The following CFAP52 variants were observed in gnomAD, a reference collection of about 807,000 sequenced individuals.
CFAP52 encodes the protein cilia- and flagella-associated protein 52.
Under a neutral mutation model 70.5 loss-of-function variants are expected in CFAP52, and 57 were observed. The observed-to-expected ratio is 0.81, with a 90% CI of 0.65 to 1.01. CFAP52 has a LOEUF of 1.01. CFAP52 is among the 50% of genes least tolerant of loss of function. CFAP52 has a pLI of 0.00. For synonymous variants in CFAP52, 267 were observed against 292.5 expected (o/e 0.91, Z 0.89); for missense variants, 785 against 788.5 (o/e 1.00, Z 0.05).
intron 12 of CFAP52, among the ~76,000 whole-genome samples, chr17:9,641,070 A>G (rs1911034226): frequency 1.3e-5 from 2 of 152,208 alleles, no homozygotes; most frequent in Non-Finnish European, 2.9e-5. Context: ...TAGATTGTGC[A>G]TTCACAAAGT....
chr17:9,598,338 G>A lies in CFAP52; in HGVS notation c.636+5G>A. On this transcript the variant is annotated splice_donor_5th_base_variant and intron_variant, in intron 5 of 13. Transcript: ENST00000352665. ...AGAATAGTCATGAGTATTGGAGTAA[G>A]TATTAATTTAAGTATTAAGTAACAA... is the stretch of plus-strand genomic sequence containing the variant. 1.2e-6 allele frequency: 2 copies of A among 1,605,804 alleles called. No individual in the cohort carries two copies. Among genetic ancestry groups the A allele is most frequent in the Non-Finnish European group, 8.5e-7 (1 of 1,176,112 alleles).
chr17:9,631,264 T>C (rs982580558), intron 9 of CFAP52, among the ~76,000 whole-genome samples: 12 of 151,972 alleles, frequency 7.9e-5, no homozygotes, highest in Non-Finnish European at 1.8e-4. Context: ...TCACCCCTTC[T>C]AGCCATACTT....
intron 6 of CFAP52, among the ~76,000 whole-genome samples, chr17:9,603,717 G>A (rs370814544): frequency 3.9e-5 from 6 of 152,180 alleles, no homozygotes; most frequent in East Asian, 1.9e-4. Context: ...TGTAGATGAC[G>A]GGTAATATAG....
chr17:9,584,406 A>G (rs1436529693), intron 1 of CFAP52: 5 of 1,264,140 alleles, frequency 4.0e-6, no homozygotes, highest in Non-Finnish European at 5.1e-6. Flanking sequence ...AAGTTAAAAA[A>G]ATTATTTTCC....
chr17:9,591,514 A>G, intron 3 of CFAP52, among the ~76,000 whole-genome samples: 1 of 152,182 alleles, frequency 6.6e-6, no homozygotes, highest in East Asian at 1.9e-4. Flanking sequence ...ATTCCATTGT[A>G]CAGATGTGCT....
intron 3 of CFAP52, among the ~76,000 whole-genome samples, chr17:9,588,044 T>G (rs1008597404): frequency 1.3e-5 from 2 of 152,206 alleles, no homozygotes; most frequent in Non-Finnish European, 2.9e-5. Context: ...AGCTTCCCAG[T>G]ACTGTGTTGA....
chr17:9,589,299 A>G (rs534828452), intron 3 of CFAP52, among the ~76,000 whole-genome samples: 1 of 152,326 alleles, frequency 6.6e-6, no homozygotes, highest in East Asian at 1.9e-4. Context: ...GGAAATTTAT[A>G]TTTGTGTATA....
In CFAP52 at chr17:9,643,260, A is replaced by G. The variant is rs1287075029; in HGVS notation, c.*62A>G. On this transcript the variant is annotated 3_prime_UTR_variant, in exon 14 of 14. Coordinates refer to ENST00000352665, the MANE Select transcript of CFAP52 (RefSeq NM_145054.5). ...CAGTCCTGTTGAAGACTGAGTTTAG[A>G]TAACTCCAACACTAGTCTTCATTTC... The G allele has an allele frequency of 1.5e-5, 21 of 1,391,676 alleles. No individual in the cohort carries two copies. The highest frequency in any genetic ancestry group is 3.9e-5 in the South Asian group (2 of 50,838). 86.2% of individuals were successfully genotyped at this position (1,391,676 alleles called of 1,614,324 possible).
In CFAP52 at chr17:9,633,040, A is replaced by G; in HGVS notation, c.1320+7A>G. 6.2e-7 allele frequency: 1 copy of G among 1,612,682 alleles called. No individual in the cohort carries two copies. Among genetic ancestry groups the G allele is most frequent in the South Asian group, 1.1e-5 (1 of 90,894 alleles). On this transcript the variant is annotated splice_region_variant and intron_variant, in intron 10 of 13. Transcript: ENST00000352665. Reference sequence around the variant, plus strand: ...TGGCGGTGGGGAAGGGGAGGTATTGAAAGCAGAAATTTGAAAAAATAACGC... The same window carrying G: ...TGGCGGTGGGGAAGGGGAGGTATTGGAAGCAGAAATTTGAAAAAATAACGC...
chr17:9,590,234 A>G, intron 3 of CFAP52: 1 of 184,524 alleles, frequency 5.4e-6, no homozygotes, highest in African/African-American at 2.4e-5. Flanking sequence ...AAAGGGCTAC[A>G]CCCTTTGGCT....
chr17:9,596,057 G>GTATGTA (rs1322554543), intron 4 of CFAP52, among the ~76,000 whole-genome samples: 45 of 103,582 alleles, frequency 4.3e-4, no homozygotes, highest in African/African-American at 1.8e-3. Context: ...ATATATGTGT[G>GTATGTA]TGTATATATA....
At chr17:9,576,924 C>T (rs906350639) in intron 1 of CFAP52, among the ~76,000 whole-genome samples, 159 bp downstream of exon 1, 2 of 152,230 alleles carry the variant, frequency 1.3e-5, no homozygotes, top group Non-Finnish European at 2.9e-5. Flanking sequence ...CACAGCCTGA[C>T]CTGCCCCAAG....
intron 1 of CFAP52, among the ~76,000 whole-genome samples, chr17:9,578,863 A>C (rs563588454): frequency 6.6e-6 from 1 of 152,130 alleles, no homozygotes; most frequent in African/African-American, 2.4e-5. Context: ...GGAGGGGTGC[A>C]TGGCCTTAGG....
intron 5 of CFAP52, among the ~76,000 whole-genome samples, chr17:9,598,742 C>T (rs2151935602): frequency 7.0e-6 from 1 of 143,794 alleles, no homozygotes; most frequent in East Asian, 2.0e-4. Flanking sequence ...GCCTGGACAA[C>T]AGAGTGACAC....
intron 8 of CFAP52, among the ~76,000 whole-genome samples, chr17:9,616,769 C>G (rs1909945835): frequency 1.6e-5 from 2 of 125,114 alleles, no homozygotes; most frequent in Non-Finnish European, 3.3e-5. Flanking sequence ...GGTATTCCAA[C>G]AGACCTGCAG....
intron 4 of CFAP52, among the ~76,000 whole-genome samples, chr17:9,597,837 G>GAA (rs1909086452): frequency 6.7e-6 from 1 of 150,258 alleles, no homozygotes. Flanking sequence ...GAGAAAGAGA[G>GAA]AAAGAGAGAG....
chr17:9,585,709 C>A, intron 1 of CFAP52, 64 bp from the exon 2 acceptor site: 1 of 1,508,856 alleles, frequency 6.6e-7, no homozygotes, highest in Non-Finnish European at 9.2e-7. Flanking sequence ...GTTTTGTACT[C>A]AAGTAGAAAA....
intron 7 of CFAP52, chr17:9,610,476 G>C (rs1232287887): frequency 2.0e-5 from 3 of 152,136 alleles, no homozygotes; most frequent in Non-Finnish European, 4.4e-5. Flanking sequence ...AGACTGGAAA[G>C]GGAAGATGTA....
chr17:9,645,449 C>G (rs1272872366), downstream of CFAP52: 1 of 437,394 alleles, frequency 2.3e-6, no homozygotes. This position sits in a 1 kb window ranked among gnomAD's most constrained non-coding sequence, Gnocchi z 6.8. Context: ...GGGGGCTGGT[C>G]GTGCCGCCGG....
Sources: allele counts gnomAD v4.1 joint callset (sites outside exome capture counted in the v4.1 genomes callset), GRCh38; gene constraint gnomAD v4.1.1; non-coding constraint Gnocchi (gnomAD v3.1); transcripts MANE v1.5; gene names NCBI Gene and HGNC (gene_info 2026-07-23, HGNC 2026-07-21).